Variants in ITGBL1 observed in about 807,000 individuals in gnomAD.
The protein encoded by ITGBL1 is integrin beta-like protein 1.
In ITGBL1, 51 loss-of-function variants were observed where a neutral mutation model predicts 68.5. The observed-to-expected ratio is 0.74, with a 90% CI of 0.59 to 0.94. The LOEUF is 0.94. Among genes scored for constraint, ITGBL1 ranks in the 40% least tolerant of loss-of-function variants. The pLI is 0.00. For missense variants in ITGBL1, 649 were observed against 647.4 expected (o/e 1.00, Z -0.03); for synonymous variants, 209 against 227.3 (o/e 0.92, Z 0.72).
intron 7 of ITGBL1, among the ~76,000 whole-genome samples, chr13:101,682,254 A>G (rs1468839530): frequency 6.6e-6 from 1 of 152,184 alleles, no homozygotes; most frequent in African/African-American, 2.4e-5. Flanking sequence ...GGCAATCTGT[A>G]TTTTATAAAG....
chr13:101,605,731 T>C (rs891725646), intron 7 of ITGBL1, among the ~76,000 whole-genome samples: 1 of 151,514 alleles, frequency 6.6e-6, no homozygotes, highest in Non-Finnish European at 1.5e-5. Context: ...CGTGTACACG[T>C]ATGTAGACAT....
intron 2 of ITGBL1, among the ~76,000 whole-genome samples, chr13:101,543,203 T>A (rs998478233): frequency 6.6e-6 from 1 of 152,198 alleles, no homozygotes; most frequent in Admixed American, 6.5e-5. Flanking sequence ...TACTGGTTTT[T>A]CCTTTCCATG....
chr13:101,501,423 T>C (rs2048938585), intron 2 of ITGBL1, among the ~76,000 whole-genome samples: 1 of 152,188 alleles, frequency 6.6e-6, no homozygotes, highest in South Asian at 2.1e-4. Flanking sequence ...ATGGGAGTCC[T>C]GGCATGCAGT....
chr13:101,710,676 T>TTTGA (rs2034421699), intron 9 of ITGBL1: 1 of 152,188 alleles, frequency 6.6e-6, no homozygotes. Context: ...TCTTTCTTTA[T>TTTGA]TTGATTATGG....
rs577797552 is a variant in ITGBL1, at chr13:101,531,899, A to AT, written c.317-35792dup. 4.6e-3 allele frequency among the ~76,000 whole-genome samples: 688 copies of AT among 151,206 alleles called. 4 individuals are homozygous for AT. Among genetic ancestry groups the AT allele is most frequent in the African/African-American group, 0.016 (652 of 41,222 alleles). On this transcript the variant is annotated intron_variant, in intron 2 of 10. Coordinates refer to ENST00000376180, the MANE Select transcript of ITGBL1 (RefSeq NM_004791.3). ...CAGGCGCCTGCCACAGGCCTGGCTAATTTTTTTTATTTTTTTGGTAGAGAC... is the reference window on the plus strand; with the variant it reads ...CAGGCGCCTGCCACAGGCCTGGCTAATTTTTTTTTATTTTTTTGGTAGAGAC...
chr13:101,692,269 A>T (rs903852505), intron 7 of ITGBL1, among the ~76,000 whole-genome samples: 7 of 152,194 alleles, frequency 4.6e-5, no homozygotes, highest in African/African-American at 1.7e-4. Flanking sequence ...AATCATCAGG[A>T]TAAGTTGTAT....
At chr13:101,528,186 CTT>C (rs887172112) in intron 2 of ITGBL1, among the ~76,000 whole-genome samples, 1 of 150,848 alleles carries the variant, frequency 6.6e-6, no homozygotes, top group African/African-American at 2.4e-5. Flanking sequence ...TAATATTTTT[CTT>C]TTTTGTCAGT....
chr13:101,660,898 T>C (rs546484819), intron 7 of ITGBL1, among the ~76,000 whole-genome samples: 4 of 152,288 alleles, frequency 2.6e-5, no homozygotes, highest in African/African-American at 9.6e-5. Context: ...TTGTCTGGGA[T>C]TGAGAAACAC....
chr13:101,705,685 G>A (rs1260166048), intron 8 of ITGBL1, among the ~76,000 whole-genome samples: 1 of 152,070 alleles, frequency 6.6e-6, no homozygotes, highest in Non-Finnish European at 1.5e-5. Flanking sequence ...CCTCCCTGTG[G>A]AGAGCTGAAT....
chr13:101,551,835 A>G (rs1336997046), intron 2 of ITGBL1, among the ~76,000 whole-genome samples: 1 of 152,216 alleles, frequency 6.6e-6, no homozygotes, highest in East Asian at 1.9e-4. Context: ...ATTATCTAGA[A>G]TGATTAAAAA....
intron 2 of ITGBL1, among the ~76,000 whole-genome samples, chr13:101,566,829 A>G (rs2050190036): frequency 6.6e-6 from 1 of 152,202 alleles, no homozygotes; most frequent in Non-Finnish European, 1.5e-5. Context: ...CAGTCAAGGA[A>G]GTCCAGAAAG....
intron 9 of ITGBL1, among the ~76,000 whole-genome samples, chr13:101,709,760 A>C (rs367648091): frequency 7.2e-5 from 11 of 152,346 alleles, no homozygotes; most frequent in East Asian, 1.9e-4. Flanking sequence ...CTCACTATTG[A>C]ATCATTAACA....
At chr13:101,514,047 A>C (rs975869483) in intron 2 of ITGBL1, among the ~76,000 whole-genome samples, 2 of 152,074 alleles carry the variant, frequency 1.3e-5, no homozygotes, top group Admixed American at 6.6e-5. Context: ...CAATTGTGAT[A>C]GTTAACACAT....
At position 101,684,856 on chromosome 13, in the gene ITGBL1, T is replaced by C. The variant is rs2033720385; in HGVS notation, c.1016-7729T>C. Reference sequence around the variant, plus strand: ...AAGTGCATGCATATCCTTTAACATTTTTTCTCTCTTCCTCTTTCTTCCTTT... The same window carrying C: ...AAGTGCATGCATATCCTTTAACATTCTTTCTCTCTTCCTCTTTCTTCCTTT... On this transcript the variant is annotated intron_variant, in intron 7 of 10. Transcript: ENST00000376180. 2.0e-5 allele frequency among the ~76,000 whole-genome samples: 3 copies of C among 151,962 alleles called. No individual in the cohort carries two copies. The South Asian group carries it at 6.2e-4, about 31-fold the overall frequency.
intron 2 of ITGBL1, among the ~76,000 whole-genome samples, chr13:101,495,582 CTTT>C (rs879839773): frequency 6.8e-6 from 1 of 146,026 alleles, no homozygotes. Flanking sequence ...GGTCCCCACA[CTTT>C]TTTTTTTTGT....
chr13:101,536,182 G>A (rs567306766), intron 2 of ITGBL1, among the ~76,000 whole-genome samples: 5 of 151,850 alleles, frequency 3.3e-5, no homozygotes, highest in East Asian at 1.9e-4. Context: ...AGGACTCTGC[G>A]TGGCAAATAA....
intron 2 of ITGBL1, among the ~76,000 whole-genome samples, chr13:101,457,745 G>A (rs2048264176): frequency 6.6e-6 from 1 of 152,096 alleles, no homozygotes; most frequent in South Asian, 2.1e-4. Context: ...GAACCCAGGA[G>A]GCAGAGGTTG....
At chr13:101,466,588 G>T (rs2048384659) in intron 2 of ITGBL1, among the ~76,000 whole-genome samples, 2 of 152,200 alleles carry the variant, frequency 1.3e-5, no homozygotes, top group African/African-American at 4.8e-5. Context: ...TAACATCACT[G>T]TCACTTAATA....
chr13:101,592,961 C>A (rs1373245701), intron 6 of ITGBL1, among the ~76,000 whole-genome samples: 1 of 151,850 alleles, frequency 6.6e-6, no homozygotes, highest in African/African-American at 2.4e-5. Flanking sequence ...AAGGAAGCAA[C>A]TAAAAGAATG....
Sources: gnomAD v4.1 joint callset for allele counts (sites outside exome capture counted in the v4.1 genomes callset) on GRCh38, gnomAD v4.1.1 for gene constraint, MANE v1.5 for transcripts, NCBI Gene and HGNC (gene_info 2026-07-23, HGNC 2026-07-21) for gene names.